Variants in EFNA5 observed in about 807,000 individuals in gnomAD.
The protein encoded by EFNA5 is ephrin A5, also known as ephrin-A5.
A neutral mutation model predicts 22.9 loss-of-function variants in EFNA5; 5 were observed. The observed-to-expected ratio is 0.22, with a 90% confidence interval of 0.11 to 0.46. The LOEUF is 0.46. Among genes scored for constraint, EFNA5 ranks in the 20% least tolerant of loss-of-function variants. The probability of loss-of-function intolerance (pLI) is 0.99; values close to 1 mark genes in which losing one functional copy is unlikely to be tolerated. For missense variants in EFNA5, 237 were observed against 293.3 expected (o/e 0.81, Z 1.40); for synonymous variants, 113 against 112.2 (o/e 1.01, Z -0.04).
chr5:107,482,209 G>A (rs1414300775), intron 1 of EFNA5, among the ~76,000 whole-genome samples: 1 of 151,348 alleles, frequency 6.6e-6, no homozygotes, highest in Non-Finnish European at 1.5e-5. Context: ...GAGAGGTTGA[G>A]GTGGGAAAAT....
intron 1 of EFNA5, among the ~76,000 whole-genome samples, chr5:107,454,716 T>C (rs1306537102): frequency 1.3e-5 from 2 of 152,178 alleles, no homozygotes; most frequent in African/African-American, 4.8e-5. Context: ...GAATGTAAAA[T>C]GTATACTTTA....
rs573854806 is a variant in EFNA5 at position 107,544,605 on chromosome 5, A to G, written c.126-117096T>C. Among the ~76,000 whole-genome samples, 6 of 152,324 alleles carry G rather than the reference A, an allele frequency of 3.9e-5. 1 individual carries two copies. The highest frequency in any genetic ancestry group is 7.2e-5 in the African/African-American group (3 of 41,574). ...GTTCTAGAAATTATCTTCAGAGCCA[A>G]CATAAACACTTTGAAGGAATAAGAG... On this transcript the variant is annotated intron_variant, in intron 1 of 4. Transcript: ENST00000333274.
chr5:107,547,725 G>A (rs2112465898), intron 1 of EFNA5, among the ~76,000 whole-genome samples: 1 of 152,078 alleles, frequency 6.6e-6, no homozygotes, highest in Admixed American at 6.5e-5. Context: ...TTTTCTTTTT[G>A]ATGATATATA....
At chr5:107,493,587 G>T (rs936254350) in intron 1 of EFNA5, among the ~76,000 whole-genome samples, 3 of 152,204 alleles carry the variant, frequency 2.0e-5, no homozygotes, top group Non-Finnish European at 4.4e-5. Context: ...GAAAACCGAA[G>T]TCTTACATTT....
chr5:107,667,155 A>C (rs1452787336), intron 1 of EFNA5, among the ~76,000 whole-genome samples: 1 of 152,092 alleles, frequency 6.6e-6, no homozygotes, highest in African/African-American at 2.4e-5. Flanking sequence ...GAAATATAGA[A>C]GATCTATTTA....
intron 1 of EFNA5, among the ~76,000 whole-genome samples, chr5:107,619,603 C>T (rs1342460068): frequency 6.6e-6 from 1 of 151,928 alleles, no homozygotes; most frequent in Non-Finnish European, 1.5e-5. Context: ...GCTGGGACTA[C>T]AGGCATGCTA....
chr5:107,447,095 G>C (rs1250037803), intron 1 of EFNA5, among the ~76,000 whole-genome samples: 1 of 152,176 alleles, frequency 6.6e-6, no homozygotes, highest in Non-Finnish European at 1.5e-5. Flanking sequence ...GCAGAGTTAA[G>C]ACCCCTGAGA....
intron 1 of EFNA5, among the ~76,000 whole-genome samples, chr5:107,594,002 G>T (rs2112506593): frequency 6.6e-6 from 1 of 152,262 alleles, no homozygotes; most frequent in South Asian, 2.1e-4. Context: ...TAGTTAAAAA[G>T]GTGAGACAAG....
At chr5:107,425,370 T>G (rs1748784009) in intron 2 of EFNA5, among the ~76,000 whole-genome samples, 2 of 152,198 alleles carry the variant, frequency 1.3e-5, no homozygotes, top group African/African-American at 4.8e-5. Flanking sequence ...GAGAAGCCAG[T>G]AAGAAAATTT....
intron 1 of EFNA5, among the ~76,000 whole-genome samples, chr5:107,484,179 G>C (rs1181663239): frequency 6.6e-6 from 1 of 152,132 alleles, no homozygotes; most frequent in Non-Finnish European, 1.5e-5. Flanking sequence ...TGCAACTGCT[G>C]AACACCTTTA....
chr5:107,669,806 T>C (rs1333061248), intron 1 of EFNA5, among the ~76,000 whole-genome samples: 1 of 152,008 alleles, frequency 6.6e-6, no homozygotes, highest in East Asian at 1.9e-4. Context: ...TCAAACTTTC[T>C]GGCACCTTGA....
At chr5:107,563,567 G>A (rs1234199991) in intron 1 of EFNA5, among the ~76,000 whole-genome samples, 2 of 126,918 alleles carry the variant, frequency 1.6e-5, no homozygotes, top group Non-Finnish European at 3.6e-5. Context: ...CTCCTAAGTA[G>A]CTGGGACAAC....
chr5:107,665,970 T>G (rs1341757721), intron 1 of EFNA5, among the ~76,000 whole-genome samples: 2 of 152,196 alleles, frequency 1.3e-5, no homozygotes, highest in Non-Finnish European at 2.9e-5. Context: ...TTACTACCAA[T>G]ACATCTAATA....
rs182429765 is a variant in EFNA5 at position 107,607,641 on chromosome 5, G to A, written c.125+62848C>T. Among the ~76,000 whole-genome samples, 279 of 152,206 alleles carry A rather than the reference G, an allele frequency of 1.8e-3. 1 individual carries two copies. The highest frequency in any genetic ancestry group is 3.0e-3 in the Non-Finnish European group (205 of 68,004). On this transcript the variant is annotated intron_variant, in intron 1 of 4. Transcript: ENST00000333274. ...TGGTAGCTGAACTTGTATCTTTTCA[G>A]CTAAAAATTCAAAGTTGGTCTTCTT... is the stretch of plus-strand genomic sequence containing the variant.
chr5:107,653,795 T>C (rs10076670), intron 1 of EFNA5, among the ~76,000 whole-genome samples: 1,973 of 150,704 alleles, frequency 0.013, 50 homozygotes, highest in African/African-American at 0.046. Context: ...AAACTCCATA[T>C]TCAGGCTGCA....
chr5:107,583,869 A>G (rs1749121578), intron 1 of EFNA5, among the ~76,000 whole-genome samples: 1 of 152,166 alleles, frequency 6.6e-6, no homozygotes, highest in Non-Finnish European at 1.5e-5. Context: ...TGTGGAAGAC[A>G]CCCAGAGCCA....
intron 1 of EFNA5, among the ~76,000 whole-genome samples, chr5:107,530,114 A>G (rs504221): frequency 0.055 from 8,419 of 152,232 alleles, 784 homozygotes; most frequent in African/African-American, 0.19. Context: ...GTAACGACCA[A>G]CTTCCAAATT....
At chr5:107,565,685 A>G (rs1030753422) in intron 1 of EFNA5, among the ~76,000 whole-genome samples, 5 of 152,238 alleles carry the variant, frequency 3.3e-5, no homozygotes, top group African/African-American at 1.2e-4. Context: ...TATTAAACAC[A>G]AAAGCCTGCA....
chr5:107,612,085 C>G (rs776896503), intron 1 of EFNA5, among the ~76,000 whole-genome samples: 3 of 152,108 alleles, frequency 2.0e-5, no homozygotes, highest in Non-Finnish European at 4.4e-5. Context: ...CAGAAGTTAA[C>G]AAAGGATTTG....
Sources: allele counts gnomAD v4.1 joint callset (sites outside exome capture counted in the v4.1 genomes callset), GRCh38; gene constraint gnomAD v4.1.1; transcripts MANE v1.5; gene names NCBI Gene and HGNC (gene_info 2026-07-23, HGNC 2026-07-21).